PDE3A: variants seen among roughly 807,000 people sequenced by gnomAD.
PDE3A encodes phosphodiesterase 3A.
In PDE3A, 43 loss-of-function variants were observed where a neutral mutation model predicts 98.3. That is an observed-to-expected ratio of 0.44 (90% CI 0.34 to 0.56). The LOEUF (loss-of-function observed/expected upper bound fraction) is 0.56. PDE3A is among the 20% of genes least tolerant of loss of function. PDE3A has a pLI of 0.01. For missense variants in PDE3A, 1,427 were observed against 1,440.7 expected (o/e 0.99, Z 0.15); for synonymous variants, 663 against 567.9 (o/e 1.17, Z -2.38).
chr12:20,403,726 A>G (rs1342405861), intron 1 of PDE3A, among the ~76,000 whole-genome samples: 3 of 152,164 alleles, frequency 2.0e-5, no homozygotes, highest in Non-Finnish European at 4.4e-5. Context: ...AGGCCTCCCC[A>G]AAATTTTTAT....
At chr12:20,385,995 A>AATATATATATAAATATATATAAT (rs1943755386) in intron 1 of PDE3A, among the ~76,000 whole-genome samples, 2 of 105,502 alleles carry the variant, frequency 1.9e-5, no homozygotes, top group South Asian at 2.3e-4. Context: ...ATATATATAA[A>AATATATATATAAATATATATAAT]ATATATATAT....
At chr12:20,454,033 C>T (rs1945112777) in intron 1 of PDE3A, among the ~76,000 whole-genome samples, 1 of 152,140 alleles carries the variant, frequency 6.6e-6, no homozygotes, top group African/African-American at 2.4e-5. Context: ...ACATTCTTCA[C>T]CCAGGCAATA....
chr12:20,556,189 T>C (rs2121270176), intron 1 of PDE3A, among the ~76,000 whole-genome samples: 1 of 152,342 alleles, frequency 6.6e-6, no homozygotes, highest in Non-Finnish European at 1.5e-5. Context: ...TATTTCATAT[T>C]AAATATTTAA....
chr12:20,576,364 T>C (rs1014498093), intron 2 of PDE3A, among the ~76,000 whole-genome samples: 1 of 152,114 alleles, frequency 6.6e-6, no homozygotes, highest in Non-Finnish European at 1.5e-5. Flanking sequence ...AATTGAAGTA[T>C]GAGTACTATT....
chr12:20,419,857 GC>G (rs752516349), intron 1 of PDE3A, among the ~76,000 whole-genome samples: 2 of 150,124 alleles, frequency 1.3e-5, no homozygotes, highest in Non-Finnish European at 2.9e-5. Flanking sequence ...TTCTGCCTCA[GC>G]CTCTTGAGTA....
intron 2 of PDE3A, among the ~76,000 whole-genome samples, chr12:20,591,673 G>T (rs2036192761): frequency 6.6e-6 from 1 of 152,202 alleles, no homozygotes; most frequent in Non-Finnish European, 1.5e-5. Context: ...TGGTAGAGAG[G>T]TGTTATTCTT....
chr12:20,424,520 G>A (rs938721044), intron 1 of PDE3A, among the ~76,000 whole-genome samples: 3 of 152,060 alleles, frequency 2.0e-5, no homozygotes, highest in African/African-American at 7.2e-5. Flanking sequence ...AATTTTTATT[G>A]CAAATTATTA....
intron 1 of PDE3A, among the ~76,000 whole-genome samples, chr12:20,515,986 C>T (rs1311675923): frequency 2.6e-5 from 4 of 151,236 alleles, no homozygotes; most frequent in Non-Finnish European, 5.9e-5. Context: ...CCCGCCTCGG[C>T]CTCCCAAAGT....
chr12:20,680,167 C>T lies in PDE3A; in HGVS notation c.3322C>T (p.Pro1108Ser). The change falls in exon 16 of 16, where the codon CCT (proline) becomes TCT (serine). Residue 1108 changes from proline (P) to serine (S), a missense_variant. This residue lies in a region of PDE3A where 142 missense variants were observed against 133.9 expected (regional missense o/e 1.06). Coordinates refer to ENST00000359062, the MANE Select transcript of PDE3A (RefSeq NM_000921.5). ...GIENQSLDQT[P>S]QSHSSEQIQA... ...AGAAAATCAATCCCTGGACCAGACC[C>T]CTCAGTCGCACTCTTCAGAACAGAT... The T allele has an allele frequency of 2.5e-6, 4 of 1,613,762 alleles. No homozygotes were observed. Among genetic ancestry groups the T allele is most frequent in the Non-Finnish European group, 3.4e-6 (4 of 1,179,838 alleles).
chr12:20,428,692 A>G (rs998839412), intron 1 of PDE3A, among the ~76,000 whole-genome samples: 7 of 152,236 alleles, frequency 4.6e-5, no homozygotes, highest in Non-Finnish European at 8.8e-5. Flanking sequence ...ATAACAACAT[A>G]CATGCTTTTG....
At chr12:20,496,807 C>T (rs2121066991) in intron 1 of PDE3A, among the ~76,000 whole-genome samples, 1 of 152,254 alleles carries the variant, frequency 6.6e-6, no homozygotes, top group South Asian at 2.1e-4. Flanking sequence ...AGTCTTCAAC[C>T]ATGGCTGCAG....
chr12:20,402,522 A>G (rs1944151757), intron 1 of PDE3A, among the ~76,000 whole-genome samples: 1 of 152,094 alleles, frequency 6.6e-6, no homozygotes, highest in Non-Finnish European at 1.5e-5. Flanking sequence ...ATCATTTACT[A>G]AGTCCCACAC....
chr12:20,601,000 A>G (rs1943578537), intron 2 of PDE3A, among the ~76,000 whole-genome samples: 1 of 152,142 alleles, frequency 6.6e-6, no homozygotes. Flanking sequence ...CATTTCTCAT[A>G]TTATTGAGTG....
At chr12:20,551,150 A>G (rs1280093347) in intron 1 of PDE3A, among the ~76,000 whole-genome samples, 1 of 151,852 alleles carries the variant, frequency 6.6e-6, no homozygotes, top group Non-Finnish European at 1.5e-5. Flanking sequence ...CATTGTTTAT[A>G]TTGAATTTCT....
intron 1 of PDE3A, among the ~76,000 whole-genome samples, chr12:20,523,129 A>G (rs940404528): frequency 6.6e-6 from 1 of 152,128 alleles, no homozygotes; most frequent in Non-Finnish European, 1.5e-5. Flanking sequence ...ATATTTTGCT[A>G]TGTTGATCTT....
At chr12:20,548,076 T>G (rs1024258333) in intron 1 of PDE3A, among the ~76,000 whole-genome samples, 3 of 152,126 alleles carry the variant, frequency 2.0e-5, no homozygotes, top group Admixed American at 2.0e-4. Context: ...AGAGAAGAAT[T>G]TATTCCATAA....
intron 15 of PDE3A, among the ~76,000 whole-genome samples, chr12:20,676,859 G>A (rs972574393): frequency 6.6e-6 from 1 of 152,214 alleles, no homozygotes; most frequent in Admixed American, 6.5e-5. Context: ...AATTTTATTT[G>A]TGTGAGTTTC....
intron 1 of PDE3A, among the ~76,000 whole-genome samples, chr12:20,500,796 C>A (rs868529275): frequency 2.9e-4 from 39 of 136,226 alleles, no homozygotes; most frequent in African/African-American, 1.0e-3. Flanking sequence ...GAGACAAGGT[C>A]TTGCTCTGTT....
chr12:20,431,369 A>G (rs1430714578), intron 1 of PDE3A, among the ~76,000 whole-genome samples: 1 of 152,188 alleles, frequency 6.6e-6, no homozygotes, highest in East Asian at 1.9e-4. Context: ...GAGGGAAAAA[A>G]GTTCTCATCC....
Sources: gnomAD v4.1 joint callset for allele counts (sites outside exome capture counted in the v4.1 genomes callset) on GRCh38, gnomAD v4.1.1 for gene constraint, gnomAD v4.1.1 regional missense constraint, MANE v1.5 for transcripts, NCBI Gene and HGNC (gene_info 2026-07-23, HGNC 2026-07-21) for gene names.